Variants in PUM1 observed in about 807,000 individuals in gnomAD.
The protein encoded by PUM1 is pumilio RNA binding family member 1, also known as pumilio homolog 1.
In PUM1, 13 loss-of-function variants were observed where a neutral mutation model predicts 131.8. That is an observed-to-expected ratio of 0.10 (90% CI 0.06 to 0.16). The LOEUF (loss-of-function observed/expected upper bound fraction) is 0.16. Among genes scored for constraint, PUM1 ranks in the 10% least tolerant of loss-of-function variants. PUM1 has a pLI of 1.00. For missense variants in PUM1, 961 were observed against 1,512.4 expected, an observed-to-expected ratio of 0.64 and a Z score of 6.05; for synonymous variants, 509 against 556.5, an observed-to-expected ratio of 0.91 and a Z score of 1.20.
At position 30,936,703 on chromosome 1, in the gene PUM1, G is replaced by A. The variant is rs772786563; in HGVS notation, c.3375C>T (p.Tyr1125=). 1.8e-5 allele frequency: 29 copies of A among 1,614,050 alleles called. No individual in the cohort carries two copies. The highest frequency in any genetic ancestry group is 6.7e-5 in the East Asian group (3 of 44,894). Residue 1125 remains tyrosine, a synonymous_variant, in exon 21 of 22, where the codon TAC becomes TAT. Coordinates refer to ENST00000426105, the MANE Select transcript of PUM1 (RefSeq NM_001020658.2). ...YTMMKDQYAN[Y]VVQKMIDVAE... is the part of the protein sequence containing the mutation. ...CCACGTCAATCATCTTCTGGACCACGTAGTTGGCATACTGGTCCTTCATCA... is the reference window on the plus strand; with the variant it reads ...CCACGTCAATCATCTTCTGGACCACATAGTTGGCATACTGGTCCTTCATCA...
intron 3 of PUM1, 66 bp downstream of exon 3, chr1:31,028,730 G>A: frequency 8.0e-7 from 1 of 1,256,464 alleles, no homozygotes; most frequent in Admixed American, 1.7e-5. Context: ...GGACACATTT[G>A]ATGAAAGACA....
At chr1:31,014,008 A>T (rs1642718164) in intron 3 of PUM1, among the ~76,000 whole-genome samples, 1 of 152,216 alleles carries the variant, frequency 6.6e-6, no homozygotes, top group Admixed American at 6.5e-5. Flanking sequence ...CTACATACGT[A>T]TCAAAAGTCA....
chr1:30,941,112 C>G (rs757449390), intron 20 of PUM1, 39 bp downstream of exon 20: 1 of 1,580,120 alleles, frequency 6.3e-7, no homozygotes, highest in South Asian at 1.1e-5. Flanking sequence ...TACTAATCCT[C>G]TCTTCTGGGA....
intron 9 of PUM1, among the ~76,000 whole-genome samples, chr1:30,976,997 T>A (rs980970652): frequency 1.3e-5 from 2 of 152,066 alleles, no homozygotes; most frequent in African/African-American, 4.8e-5. Flanking sequence ...ACAGGTAGAG[T>A]GTTCCTTAAC....
intron 2 of PUM1, among the ~76,000 whole-genome samples, chr1:31,049,553 A>C (rs1473011686): frequency 1.3e-5 from 2 of 150,842 alleles, no homozygotes; most frequent in African/African-American, 4.9e-5. Flanking sequence ...GGTAGTGGAC[A>C]CGTATAATCC....
intron 2 of PUM1, among the ~76,000 whole-genome samples, chr1:31,037,960 T>A (rs1234078838): frequency 1.3e-5 from 2 of 151,418 alleles, no homozygotes; most frequent in East Asian, 3.9e-4. Context: ...GGGCCTGTAG[T>A]CCCAGCTACT....
rs1190293279 is a variant in PUM1 at position 31,059,472 on chromosome 1, G to A, written c.95C>T (p.Pro32Leu). The change falls in exon 2 of 22, where the codon CCC (proline) becomes CTC (leucine). Residue 32 changes from proline to leucine, a missense_variant. Pro to Leu is a moderately conservative substitution (Grantham distance 98). This residue lies in a region of PUM1 where 654 missense variants were observed against 923.9 expected (regional missense o/e 0.71). Coordinates refer to ENST00000426105, the MANE Select transcript of PUM1 (RefSeq NM_001020658.2). ...AGATGTCAAAACAACAGGCATGTTG[G>A]GATTAGCTGGTTCTTGAGGGTGATG... is the stretch of plus-strand genomic sequence containing the variant. ...LKHHPQEPAN[P>L]NMPVVLTSGT... 1.2e-6 allele frequency: 2 copies of A among 1,614,080 alleles called. No individual in the cohort carries two copies. The highest frequency in any genetic ancestry group is 3.3e-5 in the Admixed American group (2 of 60,004).
At chr1:31,017,638 T>G (rs1247410408) in intron 3 of PUM1, among the ~76,000 whole-genome samples, 1 of 151,972 alleles carries the variant, frequency 6.6e-6, no homozygotes, top group African/African-American at 2.4e-5. Flanking sequence ...CAACCCTGAT[T>G]TAGAGTGAGT....
chr1:31,036,614 T>C (rs1408102458), intron 2 of PUM1: 1 of 152,228 alleles, frequency 6.6e-6, no homozygotes, highest in African/African-American at 2.4e-5. Context: ...AAAATGGGAT[T>C]GGACAGCAGG....
intron 5 of PUM1, among the ~76,000 whole-genome samples, chr1:30,999,606 C>CAAAAAAAAAAAAAAAAAA (rs56936440): frequency 1.9e-5 from 1 of 53,980 alleles, no homozygotes; most frequent in African/African-American, 6.9e-5. Flanking sequence ...GACTCTGTCT[C>CAAAAAAAAAAAAAAAAAA]AAAAAAAAAA....
At chr1:31,012,358 C>T (rs904878627) in intron 3 of PUM1, among the ~76,000 whole-genome samples, 1 of 152,004 alleles carries the variant, frequency 6.6e-6, no homozygotes. Flanking sequence ...AGAACCATGA[C>T]TTGGGGAGTC....
At chr1:30,962,401 T>C (rs1300651339) in intron 14 of PUM1, among the ~76,000 whole-genome samples, 18 of 152,118 alleles carry the variant, frequency 1.2e-4, no homozygotes, top group Admixed American at 1.2e-3. Flanking sequence ...GAACCACAGC[T>C]TTTTATTTTA....
chr1:31,054,535 T>TAAAAAAAAAAAAAAAAAAAAA (rs555867693), intron 2 of PUM1, among the ~76,000 whole-genome samples: 1 of 83,400 alleles, frequency 1.2e-5, no homozygotes. Context: ...AAAGGGCCAC[T>TAAAAAAAAAAAAAAAAAAAAA]AAAAAAAAAA....
At chr1:31,007,826 T>A (rs1642447257) in intron 3 of PUM1, among the ~76,000 whole-genome samples, 1 of 152,212 alleles carries the variant, frequency 6.6e-6, no homozygotes, top group Admixed American at 6.5e-5. Flanking sequence ...AAGTTTATAC[T>A]AGCTTCAACA....
intron 2 of PUM1, among the ~76,000 whole-genome samples, chr1:31,035,118 T>C (rs1469558848): frequency 2.0e-5 from 3 of 152,160 alleles, no homozygotes; most frequent in Non-Finnish European, 4.4e-5. Context: ...CATAAATACT[T>C]TATACACTTT....
At chr1:30,978,362 A>C (rs1478864993) in intron 9 of PUM1, among the ~76,000 whole-genome samples, 1 of 152,228 alleles carries the variant, frequency 6.6e-6, no homozygotes, top group Non-Finnish European at 1.5e-5. Flanking sequence ...ATGCCTGACA[A>C]AAGTTAAGTG....
intron 2 of PUM1, among the ~76,000 whole-genome samples, chr1:31,037,521 C>T (rs10914252): frequency 0.28 from 42,359 of 151,554 alleles, 7,553 homozygotes; most frequent in East Asian, 0.53. Context: ...GAGTTTGAGA[C>T]CAGCCTGGCC....
chr1:31,035,994 T>C (rs551182836), intron 2 of PUM1, among the ~76,000 whole-genome samples: 4 of 152,150 alleles, frequency 2.6e-5, no homozygotes, highest in South Asian at 2.1e-4. Context: ...TTCCATTTTA[T>C]ATACGAGGAA....
chr1:31,020,393 A>T (rs1490479610), intron 3 of PUM1, among the ~76,000 whole-genome samples: 1 of 152,200 alleles, frequency 6.6e-6, no homozygotes, highest in Non-Finnish European at 1.5e-5. Flanking sequence ...ATAACAATTT[A>T]TTTTGACTAC....
Sources: gnomAD v4.1 joint callset for allele counts (sites outside exome capture counted in the v4.1 genomes callset) on GRCh38, gnomAD v4.1.1 for gene constraint, gnomAD v4.1.1 regional missense constraint, MANE v1.5 for transcripts, NCBI Gene and HGNC (gene_info 2026-07-23, HGNC 2026-07-21) for gene names.